Variants in RNF121 observed in about 807,000 individuals in gnomAD.
RNF121 encodes the protein ring finger protein 121, also known as E3 ubiquitin ligase RNF121.
Under a neutral mutation model 46.5 loss-of-function variants are expected in RNF121, and 21 were observed. The observed-to-expected ratio is 0.45, with a 90% CI of 0.32 to 0.65. RNF121 has a LOEUF of 0.65. Among genes scored for constraint, RNF121 ranks in the 30% least tolerant of loss-of-function variants. The pLI is 0.04. For missense variants in RNF121, 346 were observed against 416.0 expected, an observed-to-expected ratio of 0.83 and a Z score of 1.46; for synonymous variants, 139 against 144.7, an observed-to-expected ratio of 0.96 and a Z score of 0.28.
intron 3 of RNF121, among the ~76,000 whole-genome samples, chr11:71,980,535 C>T (rs948572824): frequency 2.0e-5 from 3 of 151,990 alleles, no homozygotes; most frequent in Admixed American, 1.3e-4. Flanking sequence ...TTAGTAGAGA[C>T]GGGGTTTCAC....
rs559605987 is a variant in RNF121, at chr11:71,973,552, C to T, written c.244-9209C>T. 4.0e-4 allele frequency among the ~76,000 whole-genome samples: 61 copies of T among 152,082 alleles called. No homozygotes were observed. The East Asian group carries it at 9.9e-3, about 25-fold the overall frequency. The stretch of plus-strand genomic sequence containing the variant: ...CTGTAATCCCAGCACTTTGGGAGGC[C>T]GAGGCGGGCAGATCACCTGAGGTTG... On this transcript the variant is annotated intron_variant, in intron 3 of 8. Transcript: ENST00000361756.
intron 1 of RNF121, among the ~76,000 whole-genome samples, chr11:71,953,095 G>T (rs1953921201): frequency 6.6e-6 from 1 of 152,168 alleles, no homozygotes. Context: ...GTGCATTGCT[G>T]TGATCAGGGC....
intron 1 of RNF121, among the ~76,000 whole-genome samples, chr11:71,942,181 C>T (rs780011830): frequency 1.9e-4 from 29 of 151,950 alleles, no homozygotes; most frequent in Admixed American, 1.2e-3. Context: ...AATCCATCTG[C>T]CTCGACCTCC....
At chr11:71,983,629 A>G (rs2075769693) in intron 4 of RNF121, 1 of 152,266 alleles carries the variant, frequency 6.6e-6, no homozygotes, top group Admixed American at 6.5e-5. Flanking sequence ...TTTCTCATTC[A>G]TTCAAATAAG....
intron 3 of RNF121, among the ~76,000 whole-genome samples, chr11:71,963,725 G>A (rs1357512169): frequency 6.6e-6 from 1 of 152,212 alleles, no homozygotes; most frequent in African/African-American, 2.4e-5. Flanking sequence ...TCTTTTGCAT[G>A]TGGATAGCCA....
intron 2 of RNF121, 23 bp from the exon 3 acceptor site, chr11:71,960,727 C>A (rs374963756): frequency 6.2e-7 from 1 of 1,606,626 alleles, no homozygotes; most frequent in East Asian, 2.2e-5. Flanking sequence ...TGACTTGATT[C>A]ACCCCATGTG....
intron 3 of RNF121, among the ~76,000 whole-genome samples, chr11:71,970,241 C>T (rs974043339): frequency 6.6e-6 from 1 of 152,060 alleles, no homozygotes; most frequent in African/African-American, 2.4e-5. Flanking sequence ...TATAGAGCTT[C>T]CATTTTACAA....
At chr11:71,943,504 G>A (rs935987156) in intron 1 of RNF121, among the ~76,000 whole-genome samples, 2 of 152,204 alleles carry the variant, frequency 1.3e-5, no homozygotes, top group Non-Finnish European at 2.9e-5. Flanking sequence ...CGCCAGCCTC[G>A]TGTATGTTGG....
At chr11:71,982,988 G>C (rs1277554815) in intron 4 of RNF121, 73 bp downstream of exon 4, 36 of 1,379,442 alleles carry the variant, frequency 2.6e-5, no homozygotes, top group Non-Finnish European at 3.3e-5. Flanking sequence ...GAGGAGCATA[G>C]GTTTAGACTG....
At chr11:71,980,563 TCTTAAACTC>T (rs1478095668) in intron 3 of RNF121, among the ~76,000 whole-genome samples, 1 of 152,124 alleles carries the variant, frequency 6.6e-6, no homozygotes, top group African/African-American at 2.4e-5. Context: ...GCCAGGCTGG[TCTTAAACTC>T]CTGACCTAAG....
intron 1 of RNF121, among the ~76,000 whole-genome samples, chr11:71,932,868 C>G (rs1404640065): frequency 6.6e-6 from 1 of 152,200 alleles, no homozygotes; most frequent in Non-Finnish European, 1.5e-5. Context: ...GGTCCTTTAA[C>G]TTACTGATAA....
chr11:71,934,090 C>G (rs1036698770), intron 1 of RNF121, among the ~76,000 whole-genome samples: 3 of 152,098 alleles, frequency 2.0e-5, no homozygotes. Flanking sequence ...TTCCACCTGC[C>G]CTTTAAAGTT....
chr11:71,938,916 T>C (rs1953491964), intron 1 of RNF121: 1 of 152,464 alleles, frequency 6.6e-6, no homozygotes, highest in Non-Finnish European at 1.5e-5. Context: ...CTCTTTTTTT[T>C]TTCTTTGAGA....
rs573126756 is a variant in RNF121 at position 71,942,883 on chromosome 11, A to G, written c.63+13759A>G. Among the ~76,000 whole-genome samples the G allele has an allele frequency of 3.1e-3, 472 of 152,112 alleles. 1 individual carries two copies. Among genetic ancestry groups the G allele is most frequent in the Non-Finnish European group, 4.7e-3 (320 of 68,016 alleles). ...CTGGGAAGTCTAAAGGCAAAGTTCT[A>G]GCAGATATGATGTCTGGCAAAGGCT... is the stretch of plus-strand genomic sequence containing the variant. On this transcript the variant is annotated intron_variant, in intron 1 of 8. Transcript: ENST00000361756.
chr11:71,966,236 C>T (rs1954273154), intron 3 of RNF121, among the ~76,000 whole-genome samples: 1 of 152,156 alleles, frequency 6.6e-6, no homozygotes, highest in Non-Finnish European at 1.5e-5. Flanking sequence ...TCAGGCTGGT[C>T]TCGAATGCCT....
intron 1 of RNF121, among the ~76,000 whole-genome samples, chr11:71,948,762 C>T (rs562841944): frequency 6.6e-6 from 1 of 152,204 alleles, no homozygotes; most frequent in Non-Finnish European, 1.5e-5. Flanking sequence ...AACTTATTAG[C>T]CTTGAATTCT....
At chr11:71,956,699 CT>C (rs1294457477) in intron 1 of RNF121, among the ~76,000 whole-genome samples, 3 of 152,160 alleles carry the variant, frequency 2.0e-5, no homozygotes, top group Non-Finnish European at 1.5e-5. Context: ...ATACTTTTTG[CT>C]CTAGCCATAC....
At chr11:71,942,803 T>TACACAAAC (rs56950003) in intron 1 of RNF121, among the ~76,000 whole-genome samples, 2,158 of 147,556 alleles carry the variant, frequency 0.015, 44 homozygotes, top group African/African-American at 0.046. Flanking sequence ...TATATATATG[T>TACACAAAC]ACACACACAC....
intron 1 of RNF121, among the ~76,000 whole-genome samples, chr11:71,945,359 T>A (rs1242984998): frequency 1.3e-5 from 2 of 152,052 alleles, no homozygotes; most frequent in Non-Finnish European, 2.9e-5. Context: ...CCAAAAGGAG[T>A]CACTTTTAAA....
Sources: gnomAD v4.1 joint callset for allele counts (sites outside exome capture counted in the v4.1 genomes callset) on GRCh38, gnomAD v4.1.1 for gene constraint, MANE v1.5 for transcripts, NCBI Gene and HGNC (gene_info 2026-07-23, HGNC 2026-07-21) for gene names.